Variants in NTRK3 observed in about 807,000 individuals in gnomAD.
NTRK3 encodes the protein neurotrophic receptor tyrosine kinase 3, also known as NT-3 growth factor receptor.
NTRK3 carries 24 observed loss-of-function variants against 91.7 expected under a neutral mutation model. The observed-to-expected ratio is 0.26, with a 90% confidence interval of 0.19 to 0.37. The LOEUF is 0.37. Ranked by LOEUF, NTRK3 falls within the 10% of genes least tolerant of loss-of-function variation. NTRK3 has a pLI of 1.00. For missense variants in NTRK3, 880 were observed against 1,068.9 expected (o/e 0.82, Z 2.46); for synonymous variants, 483 against 404.0 (o/e 1.20, Z -2.34).
intron 14 of NTRK3, among the ~76,000 whole-genome samples, chr15:87,952,914 G>T (rs1001268997): frequency 1.3e-5 from 2 of 151,588 alleles, no homozygotes; most frequent in Admixed American, 6.6e-5. Flanking sequence ...TGGGGAACAA[G>T]GTCGGAGGCC....
chr15:88,076,861 G>A (rs2047594288), intron 13 of NTRK3, among the ~76,000 whole-genome samples: 1 of 152,184 alleles, frequency 6.6e-6, no homozygotes, highest in Middle Eastern at 3.4e-3. Context: ...GGGAATCCGA[G>A]GTGGGTGGAT....
intron 5 of NTRK3, among the ~76,000 whole-genome samples, chr15:88,170,567 T>C (rs574683280): frequency 6.6e-6 from 1 of 152,316 alleles, no homozygotes; most frequent in Admixed American, 6.5e-5. Context: ...ACCCATTTTA[T>C]AGATGAGGAA....
chr15:88,228,249 T>G (rs1355885947), intron 3 of NTRK3, among the ~76,000 whole-genome samples: 1 of 152,084 alleles, frequency 6.6e-6, no homozygotes, highest in Non-Finnish European at 1.5e-5. Flanking sequence ...ATCCTGCCAC[T>G]CTGACCTCCA....
At chr15:87,933,541 C>T (rs889298141) in intron 15 of NTRK3, among the ~76,000 whole-genome samples, 1 of 152,246 alleles carries the variant, frequency 6.6e-6, no homozygotes, top group African/African-American at 2.4e-5. Flanking sequence ...CTAAGGTTTT[C>T]TTTGAGGAAA....
exon 3 of NTRK3, chr15:88,256,073 G>C (rs1321194202): frequency 6.2e-7 from 1 of 1,613,046 alleles, no homozygotes. Context: ...CCAGCACGGA[G>C]CCCACATAGT....
At chr15:88,124,370 G>A (rs2053059911) in intron 13 of NTRK3, among the ~76,000 whole-genome samples, 2 of 152,176 alleles carry the variant, frequency 1.3e-5, no homozygotes, top group Non-Finnish European at 2.9e-5. Flanking sequence ...AACCACCCTG[G>A]GTGCTGCCTA....
At chr15:87,884,030 A>T (rs184155876) in intron 17 of NTRK3, among the ~76,000 whole-genome samples, 138 of 151,104 alleles carry the variant, frequency 9.1e-4, no homozygotes, top group African/African-American at 2.8e-3. Context: ...AAATGCAAGA[A>T]AAGTAAGAAG....
intron 5 of NTRK3, among the ~76,000 whole-genome samples, chr15:88,157,801 C>T (rs546308804): frequency 3.3e-5 from 5 of 152,174 alleles, no homozygotes; most frequent in East Asian, 1.9e-4. Context: ...ATTCTGACTA[C>T]GGGAGAGGAA....
intron 17 of NTRK3, among the ~76,000 whole-genome samples, chr15:87,889,748 G>A (rs897218596): frequency 6.6e-6 from 1 of 152,046 alleles, no homozygotes; most frequent in Non-Finnish European, 1.5e-5. Flanking sequence ...AGGAGAACCA[G>A]AGACATATGG....
intron 10 of NTRK3, among the ~76,000 whole-genome samples, chr15:88,132,776 C>T (rs796866187): frequency 5.9e-5 from 9 of 152,306 alleles, no homozygotes; most frequent in Middle Eastern, 3.4e-3. Context: ...CACTTGGCAT[C>T]GTTTCCCTGT....
intron 11 of NTRK3, among the ~76,000 whole-genome samples, 160 bp downstream of exon 11, chr15:88,128,551 G>A (rs1324440516): frequency 6.6e-6 from 1 of 152,130 alleles, no homozygotes; most frequent in Non-Finnish European, 1.5e-5. Context: ...TGCCTAAAAA[G>A]CATTGCTACC....
At chr15:88,185,873 C>T (rs1050404616) in intron 3 of NTRK3, among the ~76,000 whole-genome samples, 3 of 152,162 alleles carry the variant, frequency 2.0e-5, no homozygotes, top group Admixed American at 2.0e-4. Flanking sequence ...ATGCTGAGAA[C>T]CTGTTTTGTA....
chr15:88,083,264 A>G (rs1367228665), intron 13 of NTRK3, among the ~76,000 whole-genome samples: 2 of 152,218 alleles, frequency 1.3e-5, no homozygotes, highest in East Asian at 3.9e-4. Flanking sequence ...CTTGTCACCC[A>G]GGCTGGAGTG....
At chr15:87,880,577 A>G (rs1291002989) in intron 17 of NTRK3, 149 bp from the exon 19 acceptor site, 2 of 968,972 alleles carry the variant, frequency 2.1e-6, no homozygotes, top group East Asian at 5.3e-5. Context: ...GAGGTGTGTG[A>G]AGATGCTGAC....
chr15:88,120,601 A>C (rs1370713865), intron 13 of NTRK3, among the ~76,000 whole-genome samples: 2 of 152,176 alleles, frequency 1.3e-5, no homozygotes, highest in African/African-American at 4.8e-5. Context: ...AAATGAAGGA[A>C]GTTCTTGGAG....
intron 14 of NTRK3, among the ~76,000 whole-genome samples, chr15:87,953,232 G>A (rs2071323619): frequency 6.6e-6 from 1 of 152,134 alleles, no homozygotes; most frequent in Non-Finnish European, 1.5e-5. Context: ...AATTACAAGC[G>A]CCCCTATCTG....
intron 6 of NTRK3, 118 bp downstream of exon 6, chr15:88,147,217 G>A: frequency 1.2e-5 from 11 of 937,682 alleles, no homozygotes; most frequent in Non-Finnish European, 1.9e-5. Context: ...ACCAACCCAA[G>A]TAGGCTCTTC....
At chr15:87,924,969 T>C (rs2068170420) in intron 17 of NTRK3, among the ~76,000 whole-genome samples, 1 of 152,104 alleles carries the variant, frequency 6.6e-6, no homozygotes, top group Non-Finnish European at 1.5e-5. Context: ...TCTGAAAACA[T>C]CTGTATTCTG....
At chr15:87,872,241 A>G (rs2064841411) in exon 19 of NTRK3, 1 of 219,380 alleles carries the variant, frequency 4.6e-6, no homozygotes, top group African/African-American at 2.2e-5. Flanking sequence ...CGAGCAAAGC[A>G]CTAAAAAGAC....
Sources: gnomAD v4.1 joint callset for allele counts (sites outside exome capture counted in the v4.1 genomes callset) on GRCh38, gnomAD v4.1.1 for gene constraint, MANE v1.5 for transcripts, NCBI Gene and HGNC (gene_info 2026-07-23, HGNC 2026-07-21) for gene names.